Variants in NFIB observed in about 807,000 individuals in gnomAD.
The protein encoded by NFIB is nuclear factor I B.
Under a neutral mutation model 61.5 loss-of-function variants are expected in NFIB, and 11 were observed. That is an observed-to-expected ratio of 0.18 (90% CI 0.11 to 0.30). The LOEUF (loss-of-function observed/expected upper bound fraction) is 0.30, where lower values mean the gene tolerates loss of function less well. NFIB is among the 10% of genes least tolerant of loss of function. The pLI is 1.00. For missense variants in NFIB, 471 were observed against 608.9 expected, an observed-to-expected ratio of 0.77 and a Z score of 2.38; for synonymous variants, 260 against 216.5, an observed-to-expected ratio of 1.20 and a Z score of -1.76.
chr9:14,457,738 C>T, the NFIB span, among the ~76,000 whole-genome samples: 2 of 152,064 alleles, frequency 1.3e-5, no homozygotes, highest in African/African-American at 4.8e-5. Context: ...ACTATAAACA[C>T]CTCTATGCAA....
In NFIB at chr9:14,088,257, G is replaced by T. The variant is rs775973052; in HGVS notation, c.*52C>A. On this transcript the variant is annotated 3_prime_UTR_variant, in exon 11 of 11. Coordinates refer to ENST00000380953, the MANE Select transcript of NFIB (RefSeq NM_001190737.2). ...CAATTATGTTCAAACCGTAATTTTG[G>T]ACATTGGCCGGTAAGATGGGTGTCC... 3 of 1,590,578 alleles carry T rather than the reference G, an allele frequency of 1.9e-6. No individual in the cohort carries two copies. Among genetic ancestry groups the T allele is most frequent in the Non-Finnish European group, 2.6e-6 (3 of 1,166,502 alleles).
chr9:14,488,744 A>G, the NFIB span, among the ~76,000 whole-genome samples: 1 of 152,200 alleles, frequency 6.6e-6, no homozygotes, highest in Non-Finnish European at 1.5e-5. Context: ...TTTTTATTAA[A>G]GCAAAGATGA....
the NFIB span, among the ~76,000 whole-genome samples, chr9:14,530,418 G>C: frequency 2.0e-5 from 3 of 150,694 alleles, no homozygotes; most frequent in African/African-American, 7.3e-5. Flanking sequence ...GAGAGGGAGA[G>C]AGAGAGAGAG....
At chr9:14,478,053 G>A in the NFIB span, among the ~76,000 whole-genome samples, 1 of 151,986 alleles carries the variant, frequency 6.6e-6, no homozygotes, top group African/African-American at 2.4e-5. Flanking sequence ...AGCCAAGAAA[G>A]GCTCCCTATT....
At chr9:14,508,594 G>A in the NFIB span, among the ~76,000 whole-genome samples, 4 of 152,170 alleles carry the variant, frequency 2.6e-5, no homozygotes, top group Non-Finnish European at 5.9e-5. Flanking sequence ...CCCATATCAC[G>A]GAGAAAGTCT....
chr9:14,296,653 G>A (rs1482833561), intron 2 of NFIB, among the ~76,000 whole-genome samples: 3 of 152,204 alleles, frequency 2.0e-5, no homozygotes, highest in African/African-American at 2.4e-5. Context: ...TCTGCCACCC[G>A]GAAGAGAGCC....
chr9:14,318,864 A>G (rs1358280228), upstream of NFIB, among the ~76,000 whole-genome samples: 1 of 152,216 alleles, frequency 6.6e-6, no homozygotes, highest in African/African-American at 2.4e-5. Flanking sequence ...CAATTTTACC[A>G]GCTCAGGTAA....
chr9:14,230,892 G>A, intron 2 of NFIB, among the ~76,000 whole-genome samples: 1 of 151,768 alleles, frequency 6.6e-6, no homozygotes. Flanking sequence ...GGAAAGCCCA[G>A]CTTGGATTGA....
chr9:14,104,749 T>TAA (rs760716241), intron 10 of NFIB, among the ~76,000 whole-genome samples: 2 of 140,104 alleles, frequency 1.4e-5, no homozygotes, highest in Non-Finnish European at 1.6e-5. Flanking sequence ...CCTGGCTAAT[T>TAA]AAAAAAAAAA....
At chr9:14,286,706 T>C (rs1365638614) in intron 2 of NFIB, among the ~76,000 whole-genome samples, 1 of 152,252 alleles carries the variant, frequency 6.6e-6, no homozygotes, top group African/African-American at 2.4e-5. Context: ...AAAATGTCTG[T>C]CTTCTCTATA....
chr9:14,186,460 C>A (rs969128407), intron 2 of NFIB, among the ~76,000 whole-genome samples: 1 of 151,712 alleles, frequency 6.6e-6, no homozygotes, highest in African/African-American at 2.4e-5. Context: ...TATATTTTTA[C>A]AATTAAATAT....
exon 1 of NFIB, chr9:14,398,952 C>T (rs1260476011): frequency 1.1e-5 from 3 of 281,048 alleles, no homozygotes; most frequent in Non-Finnish European, 2.0e-5. Flanking sequence ...TCAGTGTAGG[C>T]ATTTGATCAT....
intron 3 of NFIB, among the ~76,000 whole-genome samples, chr9:14,165,060 T>G (rs763666291): frequency 9.2e-5 from 14 of 152,160 alleles, no homozygotes; most frequent in Non-Finnish European, 1.8e-4. Context: ...TAATGAGATC[T>G]GCAGGTGATT....
At position 14,125,701 on chromosome 9, in the gene NFIB, C is replaced by G. The variant is rs1264230348; in HGVS notation, c.991G>C (p.Asp331His). The G allele has an allele frequency of 1.9e-6, 3 of 1,614,002 alleles. No individual in the cohort carries two copies. The highest frequency in any genetic ancestry group is 2.5e-6 in the Non-Finnish European group (3 of 1,180,018). ...KPLFSSASPQ[D>H]SSPRLSTFPQ... ...AAAGTGCTCAGTCTTGGGGAAGAAT[C>G]CTGTGGAGATGCAGAGCTGAACAAT... The change falls in exon 7 of 11, where the codon GAT becomes CAT. Residue 331 changes from aspartate (D) to histidine (H), a missense_variant. Transcript: ENST00000380953.
chr9:14,452,352 A>G, the NFIB span, among the ~76,000 whole-genome samples: 3 of 148,146 alleles, frequency 2.0e-5, no homozygotes, highest in Non-Finnish European at 3.0e-5. Context: ...GAGGGAAAGT[A>G]GGAAGGAGGG....
chr9:14,336,097 C>T (rs1421691203), intron 1 of NFIB, among the ~76,000 whole-genome samples: 2 of 152,174 alleles, frequency 1.3e-5, no homozygotes, highest in African/African-American at 4.8e-5. Flanking sequence ...GTCTTGAAAT[C>T]AGGTAGTGTT....
chr9:14,198,822 T>G (rs2048721544), intron 2 of NFIB, among the ~76,000 whole-genome samples: 2 of 152,184 alleles, frequency 1.3e-5, no homozygotes, highest in Non-Finnish European at 2.9e-5. Flanking sequence ...TATAGAGTCC[T>G]GAAAACACAA....
intron 10 of NFIB, among the ~76,000 whole-genome samples, chr9:14,107,786 A>T (rs192098886): frequency 6.6e-6 from 1 of 152,098 alleles, no homozygotes; most frequent in African/African-American, 2.4e-5. Flanking sequence ...TAATGCTAAA[A>T]TATCTGTAAA....
At chr9:14,368,166 AAAGAG>A (rs1461158139) in intron 1 of NFIB, among the ~76,000 whole-genome samples, 3 of 151,850 alleles carry the variant, frequency 2.0e-5, no homozygotes, top group Non-Finnish European at 4.4e-5. Flanking sequence ...AAAAAAAAAA[AAAGAG>A]AGACAGAGGG....
Sources: allele counts gnomAD v4.1 joint callset (sites outside exome capture counted in the v4.1 genomes callset), GRCh38; gene constraint gnomAD v4.1.1; transcripts MANE v1.5; gene names NCBI Gene and HGNC (gene_info 2026-07-23, HGNC 2026-07-21).